VGLL4: variants seen among roughly 807,000 people sequenced by gnomAD.
The protein encoded by VGLL4 is transcription cofactor vestigial-like protein 4.
In VGLL4, 7 loss-of-function variants were observed where a neutral mutation model predicts 21.0. The ratio of observed to expected loss-of-function variants is 0.33; its 90% confidence interval spans 0.19 to 0.63. The LOEUF is 0.63. Among genes scored for constraint, VGLL4 ranks in the 20% least tolerant of loss-of-function variants. The probability of loss-of-function intolerance (pLI) is 0.78; values close to 1 mark genes in which losing one functional copy is unlikely to be tolerated. For missense variants in VGLL4, 394 were observed against 425.7 expected (o/e 0.93, Z 0.66); for synonymous variants, 222 against 173.2 (o/e 1.28, Z -2.21).
intron 1 of VGLL4, among the ~76,000 whole-genome samples, chr3:11,641,118 C>CAAAAA (rs10547055): frequency 1.1e-5 from 1 of 91,818 alleles, no homozygotes; most frequent in African/African-American, 3.9e-5. Flanking sequence ...ACTTCATCAC[C>CAAAAA]AAAAAAAAAA....
intron 2 of VGLL4, among the ~76,000 whole-genome samples, chr3:11,595,883 A>G (rs1056403182): frequency 1.3e-5 from 2 of 151,590 alleles, no homozygotes; most frequent in Admixed American, 1.3e-4. Flanking sequence ...ACCTAATGCT[A>G]AATGACAAGT....
At chr3:11,662,899 T>A (rs1370962549) in intron 2 of VGLL4, among the ~76,000 whole-genome samples, 1 of 152,164 alleles carries the variant, frequency 6.6e-6, no homozygotes, top group Non-Finnish European at 1.5e-5. Context: ...GAACTTGAGA[T>A]GGGAGGGACT....
intron 1 of VGLL4, among the ~76,000 whole-genome samples, chr3:11,707,470 T>C (rs961691204): frequency 6.7e-6 from 1 of 150,134 alleles, no homozygotes; most frequent in South Asian, 2.1e-4. Flanking sequence ...ACAATACAGC[T>C]GGGACATGAG....
At chr3:11,601,276 G>A (rs939829371) in intron 2 of VGLL4, among the ~76,000 whole-genome samples, 5 of 152,220 alleles carry the variant, frequency 3.3e-5, no homozygotes, top group African/African-American at 7.2e-5. Flanking sequence ...GATGTGGTGA[G>A]TGGCACCTTG....
intron 2 of VGLL4, among the ~76,000 whole-genome samples, chr3:11,683,717 C>T (rs2076407634): frequency 6.6e-6 from 1 of 151,928 alleles, no homozygotes; most frequent in African/African-American, 2.4e-5. Context: ...TTGCTTCAAC[C>T]CAGGAGGCAG....
intron 1 of VGLL4, among the ~76,000 whole-genome samples, chr3:11,606,699 T>G (rs2074949344): frequency 6.6e-6 from 1 of 152,124 alleles, no homozygotes; most frequent in African/African-American, 2.4e-5. Context: ...TCTCTGTGGG[T>G]AGCTAAAGGT....
chr3:11,690,161 C>G (rs1219289695), intron 2 of VGLL4, among the ~76,000 whole-genome samples: 2 of 152,150 alleles, frequency 1.3e-5, no homozygotes, highest in African/African-American at 2.4e-5. Flanking sequence ...TTAATCCCCC[C>G]CTTTTCTTTT....
chr3:11,560,690 G>C (rs960958681), intron 3 of VGLL4, among the ~76,000 whole-genome samples: 11 of 152,140 alleles, frequency 7.2e-5, no homozygotes, highest in Admixed American at 2.6e-4. Context: ...GCCAGGGTAG[G>C]GGGGGATGTG....
chr3:11,560,454 G>C (rs2072881285), intron 3 of VGLL4, among the ~76,000 whole-genome samples: 1 of 152,208 alleles, frequency 6.6e-6, no homozygotes. Context: ...AGCAGTGTCA[G>C]CCAGAGGGAC....
intron 2 of VGLL4, among the ~76,000 whole-genome samples, chr3:11,569,777 A>T (rs2073702759): frequency 6.6e-6 from 1 of 152,156 alleles, no homozygotes; most frequent in Admixed American, 6.5e-5. Flanking sequence ...AGCTACTTGG[A>T]GGCTGAAGTG....
chr3:11,650,187 G>C (rs967371034), intron 2 of VGLL4, among the ~76,000 whole-genome samples: 2 of 152,032 alleles, frequency 1.3e-5, no homozygotes, highest in Admixed American at 6.6e-5. Flanking sequence ...CACCCGCCTC[G>C]GTCTCCCAAA....
chr3:11,581,193 A>G (rs560107552), intron 2 of VGLL4, among the ~76,000 whole-genome samples: 138 of 151,878 alleles, frequency 9.1e-4, no homozygotes, highest in Non-Finnish European at 1.6e-3. Context: ...CAGCCTCCCA[A>G]GTAGTTAGGA....
At chr3:11,564,746 A>G (rs1413493089) in intron 3 of VGLL4, 51 bp downstream of exon 3, 2 of 1,501,774 alleles carry the variant, frequency 1.3e-6, no homozygotes, top group South Asian at 1.2e-5. Context: ...CATCCAGCCC[A>G]GTCCCCCAGC....
rs1339694769 is a variant in VGLL4 at position 11,558,349 on chromosome 3, C to T, written c.*207G>A. ...TTAGACAGATGTTCCACGCGTAGTT[C>T]CTGCTATCATGTTTGAGGGCCCCCT... On this transcript the variant is annotated 3_prime_UTR_variant, in exon 5 of 5. Transcript: ENST00000430365. 5 of 759,354 alleles carry T rather than the reference C, an allele frequency of 6.6e-6. No homozygotes were observed. The South Asian group carries it at 9.8e-5, about 15-fold the overall frequency. The allele number at this position is 759,354 out of a possible 1,614,324, so 47.0% of individuals were successfully genotyped here. A position where few individuals can be genotyped will look rare whatever the true frequency, so the allele number is the denominator to read the frequency against.
intron 2 of VGLL4, among the ~76,000 whole-genome samples, chr3:11,678,682 G>A (rs1398273468): frequency 2.0e-5 from 3 of 152,094 alleles, no homozygotes; most frequent in Non-Finnish European, 4.4e-5. Flanking sequence ...AACAGAGTGA[G>A]ACCCTTAATA....
intron 2 of VGLL4, among the ~76,000 whole-genome samples, chr3:11,582,790 C>A (rs1248213324): frequency 6.6e-6 from 1 of 152,160 alleles, no homozygotes; most frequent in Non-Finnish European, 1.5e-5. Flanking sequence ...AGAAGGAATG[C>A]CAGAAATCCC....
intron 1 of VGLL4, among the ~76,000 whole-genome samples, chr3:11,620,872 G>T (rs2075254709): frequency 6.6e-6 from 1 of 152,164 alleles, no homozygotes; most frequent in Non-Finnish European, 1.5e-5. Context: ...CTTCTTGTAA[G>T]ATAGCTAGTA....
At chr3:11,646,554 AG>A (rs1470704693), upstream of VGLL4, among the ~76,000 whole-genome samples, 6 of 151,328 alleles carry the variant, frequency 4.0e-5, no homozygotes, top group East Asian at 3.9e-4. Flanking sequence ...TCATCTAGGG[AG>A]GAAAAAAAAA....
intron 2 of VGLL4, among the ~76,000 whole-genome samples, chr3:11,582,766 A>G (rs1412702883): frequency 6.6e-6 from 1 of 152,236 alleles, no homozygotes; most frequent in Non-Finnish European, 1.5e-5. Context: ...GCAGGGCTGC[A>G]GCCGGCCCCT....
Sources: allele counts gnomAD v4.1 joint callset (sites outside exome capture counted in the v4.1 genomes callset), GRCh38; gene constraint gnomAD v4.1.1; transcripts MANE v1.5; gene names NCBI Gene and HGNC (gene_info 2026-07-23, HGNC 2026-07-21).